Variants in HECW1 observed in about 807,000 individuals in gnomAD.
The protein encoded by HECW1 is HECT, C2 and WW domain containing E3 ubiquitin protein ligase 1, also known as E3 ubiquitin-protein ligase HECW1.
A neutral mutation model predicts 182.3 loss-of-function variants in HECW1; 61 were observed. The observed-to-expected ratio is 0.33, with a 90% CI of 0.27 to 0.41. The LOEUF (loss-of-function observed/expected upper bound fraction) is 0.41, where lower values mean the gene tolerates loss of function less well. HECW1 is among the 10% of genes least tolerant of loss of function. The pLI is 1.00. For synonymous variants in HECW1, 859 were observed against 832.6 expected, an observed-to-expected ratio of 1.03 and a Z score of -0.55; for missense variants, 1,739 against 2,108.9, an observed-to-expected ratio of 0.82 and a Z score of 3.44.
chr7:43,339,782 C>T (rs1812732786), intron 5 of HECW1, among the ~76,000 whole-genome samples: 1 of 152,164 alleles, frequency 6.6e-6, no homozygotes, highest in Non-Finnish European at 1.5e-5. Flanking sequence ...TGGTAAGCCA[C>T]AGTCTCCCTC....
At chr7:43,543,669 C>T (rs1250683110) in intron 26 of HECW1, among the ~76,000 whole-genome samples, 1 of 151,420 alleles carries the variant, frequency 6.6e-6, no homozygotes, top group Non-Finnish European at 1.5e-5. Context: ...ATCCCAGCTA[C>T]TCAGGAGGCT....
intron 2 of HECW1, among the ~76,000 whole-genome samples, chr7:43,177,904 T>G (rs1041420976): frequency 1.3e-5 from 2 of 152,192 alleles, no homozygotes; most frequent in African/African-American, 4.8e-5. Context: ...TTCTGAATAC[T>G]GGTAACACAT....
At chr7:43,143,267 G>A (rs1331894383) in intron 2 of HECW1, among the ~76,000 whole-genome samples, 2 of 151,234 alleles carry the variant, frequency 1.3e-5, no homozygotes, top group Non-Finnish European at 2.9e-5. Context: ...CACTGTGCCC[G>A]GCCAAGGCCG....
intron 2 of HECW1, among the ~76,000 whole-genome samples, chr7:43,237,846 C>CT (rs1798524294): frequency 6.9e-6 from 1 of 145,298 alleles, no homozygotes; most frequent in African/African-American, 2.4e-5. Flanking sequence ...CCCCGCCGCC[C>CT]CCACTTGGAG....
chr7:43,292,010 T>A (rs975743294), intron 3 of HECW1, among the ~76,000 whole-genome samples: 3 of 152,246 alleles, frequency 2.0e-5, no homozygotes, highest in African/African-American at 7.2e-5. Flanking sequence ...CTCTAGTGAT[T>A]CAGGGTCACC....
At position 43,180,358 on chromosome 7, in the gene HECW1, GCTTT is replaced by G. The variant is rs914629290; in HGVS notation, c.-31-63514_-31-63511del. Among the ~76,000 whole-genome samples, 8 of 139,358 alleles carry G rather than the reference GCTTT, an allele frequency of 5.7e-5. No homozygotes were observed. In the South Asian group the frequency reaches 1.3e-3, roughly 23 times the overall value. The allele number at this position is 139,358 out of a possible 152,430, so 91.4% of individuals were successfully genotyped here. A position where few individuals can be genotyped will look rare whatever the true frequency, so the allele number is the denominator to read the frequency against. ...AATCAAATTGACTTATATTTTTATT[GCTTT>G]CTAAGTTTTATTTTATTATTTTATT... On this transcript the variant is annotated intron_variant, in intron 2 of 29. Transcript: ENST00000395891.
intron 19 of HECW1, 55 bp from the exon 20 acceptor site, chr7:43,500,644 T>C: frequency 1.6e-6 from 2 of 1,280,922 alleles, no homozygotes; most frequent in Non-Finnish European, 2.3e-6. Context: ...AGAAAATGTA[T>C]TTCTGAGTTT....
chr7:43,158,313 A>C (rs753880348), intron 2 of HECW1, among the ~76,000 whole-genome samples: 4 of 151,940 alleles, frequency 2.6e-5, no homozygotes, highest in African/African-American at 9.7e-5. Context: ...TGAGATTCTT[A>C]TATTCATGAT....
intron 18 of HECW1, 99 bp downstream of exon 18, chr7:43,492,279 T>C: frequency 1.3e-6 from 1 of 788,266 alleles, no homozygotes; most frequent in Non-Finnish European, 2.1e-6. Context: ...AACCCTTTAC[T>C]ATTCAACATT....
Position 43,327,873 on chromosome 7 carries a change from A to G in HECW1, c.460+7131A>G, listed in dbSNP as rs1810992204. ...ATGTAGAAAGAACATAATAGTGATT[A>G]AAGAGCAAGATTAAAGGCACGGCAG... is the stretch of plus-strand genomic sequence containing the variant. On this transcript the variant is annotated intron_variant, in intron 5 of 29. Coordinates refer to ENST00000395891, the MANE Select transcript of HECW1 (RefSeq NM_015052.5). 2.0e-5 allele frequency among the ~76,000 whole-genome samples: 3 copies of G among 152,154 alleles called. No individual in the cohort carries two copies. In the South Asian group the frequency reaches 6.2e-4, roughly 32 times the overall value.
chr7:43,176,262 T>C (rs1160430693), intron 2 of HECW1, among the ~76,000 whole-genome samples: 1 of 152,162 alleles, frequency 6.6e-6, no homozygotes, highest in Non-Finnish European at 1.5e-5. Context: ...CTCTGCCATA[T>C]TTTTTTCAGA....
At chr7:43,135,459 TC>T (rs1299625042) in intron 2 of HECW1, among the ~76,000 whole-genome samples, 16 of 152,196 alleles carry the variant, frequency 1.1e-4, no homozygotes, top group African/African-American at 3.6e-4. Flanking sequence ...AGTCTGGGGT[TC>T]TTAGAATATC....
intron 2 of HECW1, among the ~76,000 whole-genome samples, chr7:43,198,493 ACACT>A (rs1021743305): frequency 2.1e-4 from 31 of 150,920 alleles, no homozygotes; most frequent in African/African-American, 7.6e-4. Flanking sequence ...ACTCTCTCCT[ACACT>A]CAAACACCAT....
intron 3 of HECW1, among the ~76,000 whole-genome samples, chr7:43,283,011 G>A (rs865815434): frequency 1.3e-5 from 2 of 152,022 alleles, no homozygotes; most frequent in Non-Finnish European, 2.9e-5. Flanking sequence ...CCAGCTACTC[G>A]GGAGGCTGAG....
chr7:43,561,953 C>A lies in HECW1; in HGVS notation c.*27C>A. On this transcript the variant is annotated 3_prime_UTR_variant, in exon 30 of 30. Transcript: ENST00000395891. Reference sequence around the variant, plus strand: ...GACATGGAACCTCGCCTGACATTTTCCTGGCCAGTGACATCACCCTTCCTG... The same window carrying A: ...GACATGGAACCTCGCCTGACATTTTACTGGCCAGTGACATCACCCTTCCTG... 1 of 1,362,670 alleles carries A rather than the reference C, an allele frequency of 7.3e-7. No homozygotes were observed. Among genetic ancestry groups the A allele is most frequent in the Non-Finnish European group, 1.1e-6 (1 of 951,032 alleles). The allele number at this position is 1,362,670 out of a possible 1,614,324, so 84.4% of individuals were successfully genotyped here.
intron 2 of HECW1, among the ~76,000 whole-genome samples, chr7:43,231,510 A>T (rs900027778): frequency 2.6e-5 from 4 of 152,174 alleles, no homozygotes; most frequent in African/African-American, 9.7e-5. Flanking sequence ...AGCTAAAGAG[A>T]TTGAAAAGGA....
chr7:43,451,000 T>A, intron 12 of HECW1, 71 bp downstream of exon 12: 1 of 1,039,782 alleles, frequency 9.6e-7, no homozygotes, highest in South Asian at 1.3e-5. Context: ...TATGAATTTG[T>A]GTGTAAACAT....
intron 6 of HECW1, among the ~76,000 whole-genome samples, chr7:43,366,197 A>G (rs1391578544): frequency 6.6e-6 from 1 of 152,168 alleles, no homozygotes; most frequent in Non-Finnish European, 1.5e-5. Flanking sequence ...GAGCAGAGGT[A>G]AGAGTTGACA....
chr7:43,466,389 A>G (rs1161285338), intron 14 of HECW1, 58 bp from the exon 15 acceptor site: 3 of 1,580,386 alleles, frequency 1.9e-6, no homozygotes, highest in African/African-American at 1.3e-5. Context: ...AGCGAAGTAC[A>G]GAGGTTGAAA....
Sources: gnomAD v4.1 joint callset for allele counts (sites outside exome capture counted in the v4.1 genomes callset) on GRCh38, gnomAD v4.1.1 for gene constraint, MANE v1.5 for transcripts, NCBI Gene and HGNC (gene_info 2026-07-23, HGNC 2026-07-21) for gene names.